FNTB: variants seen among roughly 807,000 people sequenced by gnomAD.
FNTB encodes the protein farnesyltransferase, CAAX box, subunit beta, also known as protein farnesyltransferase subunit beta.
FNTB carries 27 observed loss-of-function variants against 59.4 expected under a neutral mutation model. The ratio of observed to expected loss-of-function variants is 0.45; its 90% confidence interval spans 0.34 to 0.63. The LOEUF is 0.63. Among genes scored for constraint, FNTB ranks in the 20% least tolerant of loss-of-function variants. FNTB has a pLI of 0.02. For missense variants in FNTB, 449 were observed against 559.6 expected, an observed-to-expected ratio of 0.80 and a Z score of 1.99; for synonymous variants, 230 against 220.7, an observed-to-expected ratio of 1.04 and a Z score of -0.37.
chr14:65,000,815 CAAAAAAAAAA>C (rs59420832), intron 1 of FNTB, among the ~76,000 whole-genome samples: 35 of 36,460 alleles, frequency 9.6e-4, no homozygotes, highest in Admixed American at 5.2e-3. Flanking sequence ...GACTCCGTCT[CAAAAAAAAAA>C]AAAAAAAAAA....
rs1159822943 is a variant in FNTB, at chr14:65,027,300, GGGAGAGGTTATATTCAACAAGTGGGA to G, written c.375-143_375-118del. 2.2e-5 allele frequency: 26 copies of G among 1,198,598 alleles called. No homozygotes were observed. Among genetic ancestry groups the G allele is most frequent in the East Asian group, 1.9e-4 (8 of 42,470 alleles). The allele number at this position is 1,198,598 out of a possible 1,614,324, so 74.2% of individuals were successfully genotyped here. The stretch of plus-strand genomic sequence containing the variant: ...GCTGGAGAGAGAATTAAGCCCTTTG[GGGAGAGGTTATATTCAACAAGTGGGA>G]GGAGAGGTTCCCCTCAACTTTTGAG... On this transcript the variant is annotated intron_variant, in intron 4 of 11. Transcript: ENST00000246166. This position sits in a 1 kb window ranked among gnomAD's most constrained non-coding sequence, Gnocchi z 5.7.
Position 64,990,417 on chromosome 14 carries a change from T to TA in FNTB, c.144+3320_144+3321insA, listed in dbSNP as rs970939034. On this transcript the variant is annotated intron_variant, in intron 1 of 11. Coordinates refer to ENST00000246166, the MANE Select transcript of FNTB (RefSeq NM_002028.4). This position sits in a 1 kb window ranked among gnomAD's most constrained non-coding sequence, Gnocchi z 5.2. ...ATTTCTTCCCTCCTGCAGGCTTGTG[T>TA]GGGGTGGGGTTTCCTTAGACTTAAG... Among the ~76,000 whole-genome samples the TA allele has an allele frequency of 1.3e-5, 2 of 152,082 alleles. No homozygotes were observed. The highest frequency in any genetic ancestry group is 2.9e-5 in the Non-Finnish European group (2 of 68,010).
chr14:64,986,979 A>G lies in FNTB; in HGVS notation c.26A>G (p.Tyr9Cys), dbSNP rs775150635. The change falls in exon 1 of 12, where the codon TAC becomes TGC. Residue 9 changes from tyrosine (Y) to cysteine (C), a missense_variant. Transcript: ENST00000246166. Reference sequence around the variant, plus strand: ...ATGGCTTCTCCGAGTTCTTTCACCTACTATTGCCCTCCATCTTCCTCCCCC... The same window carrying G: ...ATGGCTTCTCCGAGTTCTTTCACCTGCTATTGCCCTCCATCTTCCTCCCCC... MASPSSFTYYCPPSSSPVW... is the reference protein window; with the variant it reads MASPSSFTCYCPPSSSPVW... 8.2e-5 allele frequency: 133 copies of G among 1,613,962 alleles called. No homozygotes were observed. The highest frequency in any genetic ancestry group is 1.1e-4 in the Non-Finnish European group (128 of 1,179,998).
chr14:65,038,499 C>T (rs1877922819), intron 7 of FNTB, among the ~76,000 whole-genome samples: 1 of 152,002 alleles, frequency 6.6e-6, no homozygotes. Context: ...GCAGGCAGAT[C>T]ACGAGGTCAG....
At chr14:65,053,417 C>G in intron 10 of FNTB, 68 bp downstream of exon 10, 1 of 1,241,782 alleles carries the variant, frequency 8.1e-7, no homozygotes. Context: ...GCACCTCAGG[C>G]CTACTCAGAG....
chr14:65,010,526 G>A (rs1443719347), intron 2 of FNTB, among the ~76,000 whole-genome samples: 1 of 152,188 alleles, frequency 6.6e-6, no homozygotes, highest in Non-Finnish European at 1.5e-5. Context: ...CCCCAACTGG[G>A]TCAGCTCCTC....
Position 65,054,699 on chromosome 14 carries a change from G to A in FNTB, c.1182+10G>A, listed in dbSNP as rs1253925813. On this transcript the variant is annotated intron_variant, in intron 11 of 11. Coordinates refer to ENST00000246166, the MANE Select transcript of FNTB (RefSeq NM_002028.4). The surrounding 1 kb of genome is among the most constrained non-coding windows in gnomAD (Gnocchi z 4.4). Reference sequence around the variant, plus strand: ...GCCCGAAAACGCTCTGGTAAGACGGGTGCAGGGCTTCACACCCCTTCTCCA... The same window carrying A: ...GCCCGAAAACGCTCTGGTAAGACGGATGCAGGGCTTCACACCCCTTCTCCA... 1 of 1,599,380 alleles carries A rather than the reference G, an allele frequency of 6.3e-7. No homozygotes were observed. The highest frequency in any genetic ancestry group is 1.3e-5 in the African/African-American group (1 of 74,494).
intron 1 of FNTB, among the ~76,000 whole-genome samples, chr14:64,999,073 C>T (rs1888507105): frequency 6.6e-6 from 1 of 152,212 alleles, no homozygotes; most frequent in Non-Finnish European, 1.5e-5. Flanking sequence ...AAGAAGCCAG[C>T]CACAAAAGAC....
intron 2 of FNTB, among the ~76,000 whole-genome samples, chr14:65,010,964 A>C (rs1193025285): frequency 6.6e-6 from 1 of 152,178 alleles, no homozygotes; most frequent in African/African-American, 2.4e-5. Flanking sequence ...CACTCATCGC[A>C]CATTCCTCCT....
intron 1 of FNTB, among the ~76,000 whole-genome samples, chr14:64,989,499 C>G (rs571220588): frequency 1.3e-4 from 19 of 150,990 alleles, no homozygotes; most frequent in Admixed American, 9.9e-4. Flanking sequence ...TAGCAAGACC[C>G]TGTGTCTATT....
chr14:65,023,001 T>C lies in FNTB; in HGVS notation c.375-4452T>C, dbSNP rs139277944. On this transcript the variant is annotated intron_variant, in intron 4 of 11. Transcript: ENST00000246166. This position sits in a 1 kb window ranked among gnomAD's most constrained non-coding sequence, Gnocchi z 4.1. ...TGCTGCTCATTTTGTATTATATGCT[T>C]ATTTACTGTACATGCCTTTGAATCC... 0.014 allele frequency among the ~76,000 whole-genome samples: 2,160 copies of C among 152,346 alleles called. 27 individuals are homozygous for C. Among genetic ancestry groups the C allele is most frequent in the Middle Eastern group, 0.031 (9 of 294 alleles).
At chr14:65,040,704 C>G in intron 7 of FNTB, 86 bp from the exon 8 acceptor site, 2 of 1,325,456 alleles carry the variant, frequency 1.5e-6, no homozygotes, top group East Asian at 3.4e-5. Context: ...TCTGAGTGAA[C>G]TTTTTCTCTG....
chr14:65,028,816 T>G lies in FNTB; in HGVS notation c.605+1035T>G, dbSNP rs1235607444. ...TCTTAAGGAAAATGTTAAAAGAGTT[T>G]TTTTCCCTCGTGTTCACTACATTTT... is the stretch of plus-strand genomic sequence containing the variant. On this transcript the variant is annotated intron_variant, in intron 6 of 11. Coordinates refer to ENST00000246166, the MANE Select transcript of FNTB (RefSeq NM_002028.4). The surrounding 1 kb of genome is among the most constrained non-coding windows in gnomAD (Gnocchi z 4.4). Among the ~76,000 whole-genome samples the G allele has an allele frequency of 6.6e-6, 1 of 152,182 alleles. No individual in the cohort carries two copies. The highest frequency in any genetic ancestry group is 2.4e-5 in the African/African-American group (1 of 41,448).
intron 9 of FNTB, among the ~76,000 whole-genome samples, chr14:65,046,138 A>G (rs570019351): frequency 6.6e-6 from 1 of 152,112 alleles, no homozygotes; most frequent in Admixed American, 6.5e-5. Flanking sequence ...CACCACGCCC[A>G]GCCAATTTTG....
At chr14:65,036,077 C>T (rs1296326506) in intron 7 of FNTB, among the ~76,000 whole-genome samples, 1 of 152,064 alleles carries the variant, frequency 6.6e-6, no homozygotes, top group African/African-American at 2.4e-5. Flanking sequence ...AAGCAATCTT[C>T]CTGCCTCAGC....
rs778200008 is a variant in FNTB, at chr14:65,000,838, A to AAAAAAAAAAAAAAG, written c.145-3408_145-3407insAAAAAAAAAAGAAA. ...CTCAAAAAAAAAAAAAAAAAAAAAA[A>AAAAAAAAAAAAAAG]AAAGAATAGTTACCCAAAAAGCTGG... On this transcript the variant is annotated intron_variant, in intron 1 of 11. Transcript: ENST00000246166. 2.1e-4 allele frequency among the ~76,000 whole-genome samples: 24 copies of AAAAAAAAAAAAAAG among 116,010 alleles called. 3 individuals are homozygous for AAAAAAAAAAAAAAG. Among genetic ancestry groups the AAAAAAAAAAAAAAG allele is most frequent in the Non-Finnish European group, 3.4e-4 (17 of 49,744 alleles). 76.1% of individuals were successfully genotyped at this position (116,010 alleles called of 152,430 possible). A position where few individuals can be genotyped will look rare whatever the true frequency, so the allele number is the denominator to read the frequency against.
At chr14:65,045,372 A>G (rs1045383800) in intron 9 of FNTB, among the ~76,000 whole-genome samples, 4 of 149,582 alleles carry the variant, frequency 2.7e-5, no homozygotes, top group Admixed American at 2.0e-4. Flanking sequence ...GCCCCTCCCC[A>G]TACTTTTTTT....
At chr14:65,003,675 G>A (rs1316173995) in intron 1 of FNTB, 1 of 152,148 alleles carries the variant, frequency 6.6e-6, no homozygotes, top group African/African-American at 2.4e-5. Context: ...GGACAAGTAT[G>A]GTAAATAAGA....
At position 65,004,229 on chromosome 14, in the gene FNTB, A is replaced by G. The variant is rs1336918842; in HGVS notation, c.145-20A>G. 3.7e-6 allele frequency: 6 copies of G among 1,611,746 alleles called. No individual in the cohort carries two copies. In the Admixed American group the frequency reaches 5.0e-5, roughly 14 times the overall value. On this transcript the variant is annotated intron_variant, in intron 1 of 11. Coordinates refer to ENST00000246166, the MANE Select transcript of FNTB (RefSeq NM_002028.4). ...CATCTGTATTTGTTTTCTCTCTCCT[A>G]TCTCCTGCATCCTTACCAGGCAAAA...
Sources: allele counts gnomAD v4.1 joint callset (sites outside exome capture counted in the v4.1 genomes callset), GRCh38; gene constraint gnomAD v4.1.1; non-coding constraint Gnocchi (gnomAD v3.1); transcripts MANE v1.5; gene names NCBI Gene and HGNC (gene_info 2026-07-23, HGNC 2026-07-21).